The following ANKRD62 variants were observed in gnomAD, a reference collection of about 807,000 sequenced individuals.
ANKRD62 encodes ankyrin repeat domain 62.
A neutral mutation model predicts 98.8 loss-of-function variants in ANKRD62; 61 were observed. The ratio of observed to expected loss-of-function variants is 0.62; its 90% CI spans 0.50 to 0.76. The LOEUF (loss-of-function observed/expected upper bound fraction) is 0.76. Ranked by LOEUF, ANKRD62 falls within the 30% of genes least tolerant of loss-of-function variation. ANKRD62 has a pLI of 0.00. For synonymous variants in ANKRD62, 341 were observed against 367.9 expected (o/e 0.93, Z 0.84); for missense variants, 933 against 1,082.9 (o/e 0.86, Z 1.94).
chr18:12,135,746 G>A, the ANKRD62 span, among the ~76,000 whole-genome samples: 6 of 152,208 alleles, frequency 3.9e-5, no homozygotes, highest in South Asian at 1.2e-3. Context: ...TAACTGGTGT[G>A]AGATGGTATC....
the ANKRD62 span, among the ~76,000 whole-genome samples, chr18:12,145,895 C>T: frequency 3.3e-5 from 5 of 152,048 alleles, no homozygotes; most frequent in Non-Finnish European, 7.4e-5. Flanking sequence ...CTTTCTTAAG[C>T]GTGTCCTGGA....
rs983570790 is a variant in ANKRD62 at position 12,126,284 on chromosome 18, G to A, written c.2463G>A (p.Glu821=). 2 of 1,535,792 alleles carry A rather than the reference G, an allele frequency of 1.3e-6. No individual in the cohort carries two copies. The highest frequency in any genetic ancestry group is 1.4e-5 in the African/African-American group (1 of 73,016). ...ATACTGTAGAAAAACTTCAAGCTGA[G>A]TGTAGAAAGCTAGAAGAGAACAATA... The part of the protein sequence containing the change: ...CEDTVEKLQA[E]CRKLEENNKG... Residue 821 remains glutamate, a synonymous_variant, in exon 13 of 14, where the codon GAG becomes GAA. Coordinates refer to ENST00000587848, the MANE Select transcript of ANKRD62 (RefSeq NM_001277333.2).
intron 5 of ANKRD62, 22 bp from the exon 6 acceptor site, chr18:12,099,593 T>G: frequency 1.4e-6 from 2 of 1,421,496 alleles, no homozygotes. Context: ...AGTAATTGTA[T>G]TTACTGCATT....
At chr18:12,173,217 T>C in the ANKRD62 span, among the ~76,000 whole-genome samples, 16 of 152,364 alleles carry the variant, frequency 1.1e-4, no homozygotes, top group African/African-American at 3.4e-4. Flanking sequence ...GAGCTGTTCC[T>C]ATTCAGCCAT....
At chr18:12,159,743 G>A in the ANKRD62 span, among the ~76,000 whole-genome samples, 1 of 151,874 alleles carries the variant, frequency 6.6e-6, no homozygotes, top group Non-Finnish European at 1.5e-5. Flanking sequence ...TGGTAGTGGT[G>A]GTTCTTATAA....
the ANKRD62 span, among the ~76,000 whole-genome samples, chr18:12,180,763 A>C: frequency 6.6e-6 from 1 of 152,012 alleles, no homozygotes; most frequent in Non-Finnish European, 1.5e-5. Context: ...CCAATTCTAT[A>C]CCCATTGAAG....
chr18:12,098,192 T>C (rs1909223574), intron 5 of ANKRD62, among the ~76,000 whole-genome samples: 1 of 152,214 alleles, frequency 6.6e-6, no homozygotes, highest in South Asian at 2.1e-4. Context: ...GAGGGTCCCA[T>C]GTTGTCCGCA....
the ANKRD62 span, among the ~76,000 whole-genome samples, chr18:12,173,272 A>ATGTT: frequency 1.3e-5 from 2 of 152,156 alleles, no homozygotes; most frequent in African/African-American, 4.8e-5. Flanking sequence ...TTTTTGATCT[A>ATGTT]TGTTGGCTTA....
rs1421362191 is a variant in ANKRD62 at position 12,127,841 on chromosome 18, A to G, written c.2656A>G (p.Ile886Val). The G allele has an allele frequency of 6.6e-7, 1 of 1,526,064 alleles. No homozygotes were observed. Among genetic ancestry groups the G allele is most frequent in the Non-Finnish European group, 8.7e-7 (1 of 1,142,916 alleles). The allele number at this position is 1,526,064 out of a possible 1,614,324, so 94.5% of individuals were successfully genotyped here. Residue 886 changes from isoleucine (I) to valine (V), a missense_variant, in exon 14 of 14, where the codon ATT (isoleucine) becomes GTT (valine). Coordinates refer to ENST00000587848, the MANE Select transcript of ANKRD62 (RefSeq NM_001277333.2). Reference protein sequence around the residue: ...AMLEISSERRINLEDEAQSLK... With the variant: ...AMLEISSERRVNLEDEAQSLK... ...GCTAGAGATTTCATCAGAACGTCGT[A>G]TTAATTTAGAAGATGAGGCACAAAG...
At chr18:12,115,841 C>T (rs75960011) in intron 10 of ANKRD62, among the ~76,000 whole-genome samples, 2,883 of 152,224 alleles carry the variant, frequency 0.019, 85 homozygotes, top group African/African-American at 0.065. Context: ...CTGTGATAAC[C>T]TTACACCTCT....
chr18:12,097,520 G>C (rs575216600), intron 4 of ANKRD62, 120 bp from the exon 5 acceptor site: 1 of 1,096,916 alleles, frequency 9.1e-7, no homozygotes, highest in East Asian at 2.6e-5. Context: ...GTGTTTATTA[G>C]TACATGTAAT....
Position 12,127,985 on chromosome 18 carries a change from G to A in ANKRD62, c.*46G>A. On this transcript the variant is annotated 3_prime_UTR_variant, in exon 14 of 14. Coordinates refer to ENST00000587848, the MANE Select transcript of ANKRD62 (RefSeq NM_001277333.2). ...GTTTCAGGACACTAGTTTCAGTGGA[G>A]AGCTTTCTTTTGTATTTTCATTATA... 1 of 1,143,608 alleles carries A rather than the reference G, an allele frequency of 8.7e-7. No individual in the cohort carries two copies. Among genetic ancestry groups the A allele is most frequent in the East Asian group, 3.1e-5 (1 of 32,268 alleles). 70.8% of individuals were successfully genotyped at this position (1,143,608 alleles called of 1,614,324 possible).
At chr18:12,157,935 T>C in the ANKRD62 span, among the ~76,000 whole-genome samples, 1 of 152,204 alleles carries the variant, frequency 6.6e-6, no homozygotes, top group African/African-American at 2.4e-5. Flanking sequence ...GTGAACCCCT[T>C]ATGTTCTTGG....
rs1156876347 is a variant in ANKRD62, at chr18:12,126,051, A to G, written c.2230A>G (p.Thr744Ala). ...ACACATGCAAGGAGTCCTAAGCCGA[A>G]CACAGCGTCGATTGGAGGACATTGA... ...IEHMQGVLSR[T>A]QRRLEDIEHM... Residue 744 changes from threonine to alanine, a missense_variant, in exon 13 of 14, where the codon ACA becomes GCA. By Grantham distance (58) the Thr-to-Ala change is moderately conservative. Transcript: ENST00000587848. 2 of 1,536,308 alleles carry G rather than the reference A, an allele frequency of 1.3e-6. No homozygotes were observed. Among genetic ancestry groups the G allele is most frequent in the East Asian group, 2.4e-5 (1 of 40,928 alleles).
the ANKRD62 span, among the ~76,000 whole-genome samples, chr18:12,160,417 T>A: frequency 6.6e-6 from 1 of 152,212 alleles, no homozygotes; most frequent in African/African-American, 2.4e-5. Context: ...AGGTTTACCA[T>A]GTAATGTCTT....
At chr18:12,150,443 T>C in the ANKRD62 span, among the ~76,000 whole-genome samples, 2 of 152,064 alleles carry the variant, frequency 1.3e-5, no homozygotes, top group African/African-American at 4.8e-5. Context: ...ATTCAGGAAA[T>C]ACAGAGAACT....
the ANKRD62 span, among the ~76,000 whole-genome samples, chr18:12,163,535 C>A: frequency 5.9e-5 from 9 of 152,096 alleles, no homozygotes; most frequent in Non-Finnish European, 1.3e-4. Context: ...GCGAGAACTT[C>A]CAGTAGTATC....
the ANKRD62 span, among the ~76,000 whole-genome samples, chr18:12,171,953 C>T: frequency 3.7e-4 from 56 of 152,272 alleles, 1 homozygote; most frequent in Middle Eastern, 3.4e-3. Flanking sequence ...GCATGTATCA[C>T]GTGGTTCTCA....
intron 8 of ANKRD62, among the ~76,000 whole-genome samples, chr18:12,112,112 A>AGG (rs1909555482): frequency 8.7e-6 from 1 of 114,438 alleles, no homozygotes; most frequent in African/African-American, 4.4e-5. Context: ...ACTCCAACTC[A>AGG]AAAAAAAAAA....
Sources: allele counts gnomAD v4.1 joint callset (sites outside exome capture counted in the v4.1 genomes callset), GRCh38; gene constraint gnomAD v4.1.1; transcripts MANE v1.5; gene names NCBI Gene and HGNC (gene_info 2026-07-23, HGNC 2026-07-21).